KLRG2: variants seen among roughly 807,000 people sequenced by gnomAD.
The protein encoded by KLRG2 is killer cell lectin-like receptor subfamily G member 2.
KLRG2 carries 39 observed loss-of-function variants against 35.4 expected under a neutral mutation model. The observed-to-expected ratio is 1.10, with a 90% confidence interval of 0.85 to 1.44. The LOEUF is 1.44. KLRG2 is among the 40% of genes most tolerant of loss of function. KLRG2 has a pLI of 0.00. For missense variants in KLRG2, 632 were observed against 570.9 expected, an observed-to-expected ratio of 1.11 and a Z score of -1.09; for synonymous variants, 283 against 265.8, an observed-to-expected ratio of 1.06 and a Z score of -0.63.
chr7:139,440,792 T>C, the KLRG2 span, among the ~76,000 whole-genome samples: 52 of 152,260 alleles, frequency 3.4e-4, 6 homozygotes, highest in East Asian at 0.01. Context: ...AAGTTCACAT[T>C]AATAAGTATT....
chr7:139,442,055 G>A, the KLRG2 span, among the ~76,000 whole-genome samples: 1 of 152,288 alleles, frequency 6.6e-6, no homozygotes, highest in East Asian at 1.9e-4. Flanking sequence ...CAGGTGTAAG[G>A]AGAGGGCACG....
At chr7:139,481,488 G>T (rs1255401622) in intron 1 of KLRG2, among the ~76,000 whole-genome samples, 3 of 152,192 alleles carry the variant, frequency 2.0e-5, no homozygotes, top group Admixed American at 2.0e-4. Flanking sequence ...GCCTGTCAGT[G>T]GGCTTGGCCT....
the KLRG2 span, among the ~76,000 whole-genome samples, chr7:139,429,819 C>A: frequency 1.3e-5 from 2 of 152,158 alleles, no homozygotes; most frequent in Non-Finnish European, 2.9e-5. Context: ...TTTTCCCCAC[C>A]TTCCCCCCCC....
the KLRG2 span, among the ~76,000 whole-genome samples, chr7:139,437,027 G>A: frequency 6.6e-6 from 1 of 152,176 alleles, no homozygotes. Context: ...AGGGGACGAA[G>A]AACAACTTAA....
chr7:139,449,908 A>G (rs181050108), downstream of KLRG2, among the ~76,000 whole-genome samples: 108 of 150,802 alleles, frequency 7.2e-4, 2 homozygotes, highest in East Asian at 0.015. Flanking sequence ...TCATCCTGTT[A>G]GCCAGGATGG....
chr7:139,478,933 A>G (rs369541279), intron 3 of KLRG2, among the ~76,000 whole-genome samples: 5 of 152,076 alleles, frequency 3.3e-5, no homozygotes, highest in African/African-American at 4.8e-5. Flanking sequence ...GATTAAAAAC[A>G]TAAGTGCTTG....
chr7:139,460,296 G>C (rs950429383), intron 3 of KLRG2, among the ~76,000 whole-genome samples: 1 of 152,230 alleles, frequency 6.6e-6, no homozygotes, highest in African/African-American at 2.4e-5. Flanking sequence ...CAATGTCATC[G>C]TCCTGGTCTG....
At chr7:139,476,175 G>A (rs1796846698) in intron 3 of KLRG2, among the ~76,000 whole-genome samples, 1 of 152,188 alleles carries the variant, frequency 6.6e-6, no homozygotes, top group Non-Finnish European at 1.5e-5. Context: ...GGCTGAGGCA[G>A]GCGGATCGCC....
intron 3 of KLRG2, among the ~76,000 whole-genome samples, chr7:139,475,602 G>C (rs76436113): frequency 0.016 from 2,485 of 151,822 alleles, 67 homozygotes; most frequent in African/African-American, 0.057. Flanking sequence ...TATAAGGACA[G>C]AATCTCCTGT....
At chr7:139,434,838 G>T in the KLRG2 span, among the ~76,000 whole-genome samples, 1 of 152,146 alleles carries the variant, frequency 6.6e-6, no homozygotes, top group Non-Finnish European at 1.5e-5. Context: ...CCACTTAGAA[G>T]CTGTGTGCCC....
the KLRG2 span, among the ~76,000 whole-genome samples, chr7:139,435,936 C>T: frequency 6.7e-6 from 1 of 149,570 alleles, no homozygotes; most frequent in African/African-American, 2.5e-5. Flanking sequence ...GGGTCTTGCT[C>T]TGTCACCCAG....
the KLRG2 span, among the ~76,000 whole-genome samples, chr7:139,433,987 A>C: frequency 2.0e-5 from 3 of 152,148 alleles, no homozygotes; most frequent in Non-Finnish European, 4.4e-5. Flanking sequence ...GATTCCAGCC[A>C]GCACCTGTCC....
intron 3 of KLRG2, among the ~76,000 whole-genome samples, chr7:139,461,758 C>T (rs376821489): frequency 9.0e-4 from 137 of 152,202 alleles, no homozygotes; most frequent in African/African-American, 3.1e-3. Context: ...TATCTCCCTT[C>T]GCTGACTCTT....
At chr7:139,476,909 C>T (rs532889414) in intron 3 of KLRG2, among the ~76,000 whole-genome samples, 6 of 152,250 alleles carry the variant, frequency 3.9e-5, no homozygotes, top group Admixed American at 1.3e-4. Context: ...TCCTGATTGA[C>T]GTCTGCCTCA....
At chr7:139,480,110 C>G (rs1358152647) in intron 2 of KLRG2, 36 bp downstream of exon 2, 5 of 1,358,882 alleles carry the variant, frequency 3.7e-6, no homozygotes, top group Admixed American at 1.7e-5. Context: ...AGTGGAGCGG[C>G]AGGGAGAGGG....
At chr7:139,477,421 A>T (rs1796869718) in intron 3 of KLRG2, among the ~76,000 whole-genome samples, 1 of 152,332 alleles carries the variant, frequency 6.6e-6, no homozygotes. Flanking sequence ...ATTCTCATAC[A>T]GGCTACGACA....
chr7:139,444,595 G>C, the KLRG2 span, among the ~76,000 whole-genome samples: 1 of 152,214 alleles, frequency 6.6e-6, no homozygotes, highest in Non-Finnish European at 1.5e-5. Context: ...GTGGCCATCT[G>C]CAAGGCAAGA....
chr7:139,481,794 G>A (rs1389069447), intron 1 of KLRG2, among the ~76,000 whole-genome samples: 1 of 151,992 alleles, frequency 6.6e-6, no homozygotes, highest in Non-Finnish European at 1.5e-5. Flanking sequence ...CATGGTGGCC[G>A]GCGCCTGTAA....
chr7:139,475,400 G>A (rs1168263533), intron 3 of KLRG2, among the ~76,000 whole-genome samples: 5 of 151,884 alleles, frequency 3.3e-5, no homozygotes, highest in Admixed American at 1.3e-4. Context: ...GCGTGGTGGC[G>A]GGCGCCTGTA....
Sources: allele counts gnomAD v4.1 joint callset (sites outside exome capture counted in the v4.1 genomes callset), GRCh38; gene constraint gnomAD v4.1.1; transcripts MANE v1.5; gene names NCBI Gene and HGNC (gene_info 2026-07-23, HGNC 2026-07-21).